The following EIF2AK4 variants were observed in gnomAD, a reference collection of about 807,000 sequenced individuals.
EIF2AK4 encodes eIF-2-alpha kinase GCN2.
In EIF2AK4, 139 loss-of-function variants were observed where a neutral mutation model predicts 211.1. The observed-to-expected ratio is 0.66, with a 90% CI of 0.57 to 0.76. EIF2AK4 has a LOEUF of 0.76. EIF2AK4 is among the 30% of genes least tolerant of loss of function. The pLI is 0.00. For synonymous variants in EIF2AK4, 710 were observed against 751.3 expected (o/e 0.94, Z 0.90); for missense variants, 1,664 against 2,043.8 (o/e 0.81, Z 3.58).
At chr15:40,002,540 G>C (rs544222906) in intron 21 of EIF2AK4, 173 bp from the exon 22 acceptor site, 1 of 595,522 alleles carries the variant, frequency 1.7e-6, no homozygotes, top group East Asian at 2.9e-5. Flanking sequence ...AGCAGGCCAT[G>C]AAAGATATGT....
At chr15:39,987,274 C>A (rs571810121) in intron 14 of EIF2AK4, among the ~76,000 whole-genome samples, 2 of 152,116 alleles carry the variant, frequency 1.3e-5, no homozygotes, top group African/African-American at 4.8e-5. Flanking sequence ...TTGTGAGGCC[C>A]GGAGGGTGAA....
Position 39,998,584 on chromosome 15 carries a change from A to G in EIF2AK4, c.2869-147A>G, listed in dbSNP as rs1337222469. 23 of 612,386 alleles carry G rather than the reference A, an allele frequency of 3.8e-5. No homozygotes were observed. The Admixed American group carries it at 6.9e-4, about 18-fold the overall frequency. The allele number at this position is 612,386 out of a possible 1,614,324, so 37.9% of individuals were successfully genotyped here. A position where few individuals can be genotyped will look rare whatever the true frequency, so the allele number is the denominator to read the frequency against. On this transcript the variant is annotated intron_variant, in intron 19 of 38. Coordinates refer to ENST00000263791, the MANE Select transcript of EIF2AK4 (RefSeq NM_001013703.4). The stretch of plus-strand genomic sequence containing the variant: ...AAATAATATGTATGTAATTGGAAGA[A>G]TAAGCGTCAGGTTTCAAGAAGGTAT...
intron 26 of EIF2AK4, among the ~76,000 whole-genome samples, chr15:40,010,858 T>A (rs2140939516): frequency 6.6e-6 from 1 of 152,272 alleles, no homozygotes; most frequent in South Asian, 2.1e-4. Flanking sequence ...CCCCAGGGAT[T>A]GTGCAAGGGG....
At chr15:40,021,088 A>G (rs2035381384) in intron 31 of EIF2AK4, 61 bp downstream of exon 31, 1 of 1,582,790 alleles carries the variant, frequency 6.3e-7, no homozygotes, top group Non-Finnish European at 8.6e-7. Context: ...CATGGCAAAT[A>G]TCCTCTGCAC....
Position 39,996,978 on chromosome 15 carries a change from C to T in EIF2AK4, c.2781C>T (p.Phe927=). 6.2e-7 allele frequency: 1 copy of T among 1,613,586 alleles called. No homozygotes were observed. Among genetic ancestry groups the T allele is most frequent in the Non-Finnish European group, 8.5e-7 (1 of 1,179,562 alleles). The part of the protein sequence containing the change: ...KSAYNQKVDL[F]SLGIIFFEMS... ...TTCCCCCTCAGAAAGTGGATCTCTTCAGCCTGGGAATTATCTTCTTTGAGA... is the reference window on the plus strand; with the variant it reads ...TTCCCCCTCAGAAAGTGGATCTCTTTAGCCTGGGAATTATCTTCTTTGAGA... Residue 927 remains phenylalanine, a synonymous_variant, in exon 19 of 39, where the codon TTC becomes TTT. Transcript: ENST00000263791.
Position 40,022,613 on chromosome 15 carries a change from C to T in EIF2AK4, c.4389+8C>T, listed in dbSNP as rs1192525802. The T allele has an allele frequency of 1.2e-6, 2 of 1,613,374 alleles. No homozygotes were observed. Among genetic ancestry groups the T allele is most frequent in the East Asian group, 2.2e-5 (1 of 44,892 alleles). On this transcript the variant is annotated splice_region_variant and intron_variant, in intron 32 of 38. Coordinates refer to ENST00000263791, the MANE Select transcript of EIF2AK4 (RefSeq NM_001013703.4). Reference sequence around the variant, plus strand: ...GAAGGAAGCCATGTCAAGGTAAAGACGTCAGAGATTTTTTACAATTCAATA... The same window carrying T: ...GAAGGAAGCCATGTCAAGGTAAAGATGTCAGAGATTTTTTACAATTCAATA...
chr15:39,967,669 A>G lies in EIF2AK4; in HGVS notation c.1343A>G (p.Lys448Arg), dbSNP rs541510781. ...AAGATTACGGACTATAGCATTTCTA[A>G]GCGCCTCGCAGACATTTGCAAGGAG... ...TVKITDYSIS[K>R]RLADICKEDV... Residue 448 changes from lysine to arginine, a missense_variant, in exon 9 of 39, where the codon AAG (lysine) becomes AGG (arginine). This residue lies in a region of EIF2AK4 where 641 missense variants were observed against 729.6 expected (regional missense o/e 0.88). Transcript: ENST00000263791. 6.9e-5 allele frequency: 111 copies of G among 1,614,186 alleles called. 3 individuals carry two copies. The South Asian group carries it at 1.1e-3, about 16-fold the overall frequency.
rs772513114 is a variant in EIF2AK4 at position 39,976,669 on chromosome 15, G to C, written c.2074G>C (p.Gly692Arg). 1 of 1,604,710 alleles carries C rather than the reference G, an allele frequency of 6.2e-7. No homozygotes were observed. The highest frequency in any genetic ancestry group is 1.1e-5 in the South Asian group (1 of 90,600). The part of the protein sequence containing the change: ...ARGQPASDTD[G>R]LDSVEAAAPP... ...CGGGCAGCCGGCGAGCGACACAGAC[G>C]GCCTGGACAGCGTAGAGGCCGCCGC... Residue 692 changes from glycine (G) to arginine (R), a missense_variant, in exon 12 of 39, where the codon GGC becomes CGC. Physicochemically the swap from Gly to Arg is moderately radical, Grantham distance 125. Coordinates refer to ENST00000263791, the MANE Select transcript of EIF2AK4 (RefSeq NM_001013703.4).
chr15:40,016,811 G>A, intron 28 of EIF2AK4, 139 bp downstream of exon 28: 1 of 1,184,956 alleles, frequency 8.4e-7, no homozygotes, highest in Non-Finnish European at 1.2e-6. Context: ...TGGAGCATTT[G>A]ATATTTAGTA....
In EIF2AK4 at chr15:39,955,878, T is replaced by G. The variant is rs572091496; in HGVS notation, c.743+110T>G. 2.4e-6 allele frequency: 3 copies of G among 1,229,598 alleles called. No individual in the cohort carries two copies. In the African/African-American group the frequency reaches 4.7e-5, roughly 19 times the overall value. 76.2% of individuals were successfully genotyped at this position (1,229,598 alleles called of 1,614,324 possible). A position where few individuals can be genotyped will look rare whatever the true frequency, so the allele number is the denominator to read the frequency against. On this transcript the variant is annotated intron_variant, in intron 6 of 38. Transcript: ENST00000263791. ...AATTTCAGGCGATAGTCTTAATAAC[T>G]TTTTTCAAACCTTATATATCTTAAT...
At chr15:39,956,385 G>A (rs1177127153) in intron 6 of EIF2AK4, among the ~76,000 whole-genome samples, 1 of 152,182 alleles carries the variant, frequency 6.6e-6, no homozygotes, top group African/African-American at 2.4e-5. Context: ...AATTCAGTAA[G>A]TGATTTTAAA....
intron 9 of EIF2AK4, among the ~76,000 whole-genome samples, chr15:39,969,676 A>C (rs906352789): frequency 3.3e-5 from 5 of 152,108 alleles, no homozygotes; most frequent in African/African-American, 4.8e-5. Flanking sequence ...TTCTTTTAAC[A>C]AGATTTTTCT....
chr15:39,978,172 T>A, intron 13 of EIF2AK4, 25 bp downstream of exon 13: 1 of 1,313,430 alleles, frequency 7.6e-7, no homozygotes, highest in Non-Finnish European at 1.1e-6. Flanking sequence ...AGAAATTATA[T>A]CATTTTATTC....
intron 6 of EIF2AK4, among the ~76,000 whole-genome samples, chr15:39,958,456 T>C (rs2034422225): frequency 1.3e-5 from 2 of 152,228 alleles, no homozygotes; most frequent in South Asian, 4.1e-4. Flanking sequence ...AAGAGATCAT[T>C]AAGGGTATAA....
chr15:39,971,379 C>G (rs1005843190), intron 9 of EIF2AK4, among the ~76,000 whole-genome samples: 1 of 152,058 alleles, frequency 6.6e-6, no homozygotes, highest in African/African-American at 2.4e-5. Flanking sequence ...CAAAAATTAG[C>G]CATGCATGGT....
chr15:39,936,257 G>A (rs1409407550), intron 1 of EIF2AK4, among the ~76,000 whole-genome samples: 1 of 152,130 alleles, frequency 6.6e-6, no homozygotes, highest in East Asian at 1.9e-4. Flanking sequence ...GCTGTCTGTG[G>A]CCTATTGTAC....
rs541327633 is a variant in EIF2AK4 at position 40,019,351 on chromosome 15, C to G, written c.4173+151C>G. 4 of 590,752 alleles carry G rather than the reference C, an allele frequency of 6.8e-6. No homozygotes were observed. The East Asian group carries it at 1.3e-4, about 19-fold the overall frequency. 36.6% of individuals were successfully genotyped at this position (590,752 alleles called of 1,614,324 possible). A position where few individuals can be genotyped will look rare whatever the true frequency, so the allele number is the denominator to read the frequency against. On this transcript the variant is annotated intron_variant, in intron 30 of 38. Transcript: ENST00000263791. ...CTTACCTTTAATATGATAGACAAGCCTAAGACTTGATGTCAATCCCTGCAT... is the reference window on the plus strand; with the variant it reads ...CTTACCTTTAATATGATAGACAAGCGTAAGACTTGATGTCAATCCCTGCAT...
At chr15:39,944,635 G>A (rs1053116489) in intron 3 of EIF2AK4, among the ~76,000 whole-genome samples, 2 of 151,842 alleles carry the variant, frequency 1.3e-5, no homozygotes, top group South Asian at 2.1e-4. Context: ...GGGTTTCACC[G>A]TGTTAGCCAG....
chr15:39,934,226 G>A lies in EIF2AK4; in HGVS notation c.31G>A (p.Gly11Ser), dbSNP rs766830247. Residue 11 changes from glycine to serine, a missense_variant, in exon 1 of 39, where the codon GGC (glycine) becomes AGC (serine). Transcript: ENST00000263791. MAGGRGAPGR[G>S]RDEPPESYPQ... ...TGGGGGCCGTGGGGCCCCCGGGCGC[G>A]GCCGGGACGAGCCTCCGGAGAGCTA... The A allele has an allele frequency of 1.3e-6, 2 of 1,596,164 alleles. No individual in the cohort carries two copies. Among genetic ancestry groups the A allele is most frequent in the Admixed American group, 3.4e-5 (2 of 58,180 alleles).
Sources: gnomAD v4.1 joint callset for allele counts (sites outside exome capture counted in the v4.1 genomes callset) on GRCh38, gnomAD v4.1.1 for gene constraint, gnomAD v4.1.1 regional missense constraint, MANE v1.5 for transcripts, NCBI Gene and HGNC (gene_info 2026-07-23, HGNC 2026-07-21) for gene names.